HOGA1: variants seen among roughly 807,000 people sequenced by gnomAD.
HOGA1 encodes 4-hydroxy-2-oxoglutarate aldolase, mitochondrial.
Under a neutral mutation model 34.3 loss-of-function variants are expected in HOGA1, and 30 were observed. The observed-to-expected ratio is 0.87, with a 90% CI of 0.65 to 1.19. HOGA1 has a LOEUF of 1.19. Ranked by LOEUF, HOGA1 falls within the 50% of genes most tolerant of loss-of-function variation. The probability of loss-of-function intolerance (pLI) is 0.00; values close to 1 mark genes in which losing one functional copy is unlikely to be tolerated. For synonymous variants in HOGA1, 161 were observed against 174.0 expected (o/e 0.93, Z 0.59); for missense variants, 417 against 436.5 (o/e 0.96, Z 0.40).
chr10:97,595,109 A>G (rs1435686725), intron 1 of HOGA1, among the ~76,000 whole-genome samples: 1 of 151,878 alleles, frequency 6.6e-6, no homozygotes, highest in Non-Finnish European at 1.5e-5. Context: ...CCAAACGCCC[A>G]CTCCCCTCAC....
At chr10:97,598,359 A>T (rs940139535) in intron 1 of HOGA1, among the ~76,000 whole-genome samples, 1 of 152,266 alleles carries the variant, frequency 6.6e-6, no homozygotes, top group Non-Finnish European at 1.5e-5. Context: ...CTTACAACAG[A>T]ATACTATACA....
intron 3 of HOGA1, 28 bp from the exon 4 acceptor site, chr10:97,599,652 C>T (rs2041100417): frequency 1.9e-6 from 3 of 1,613,426 alleles, no homozygotes; most frequent in East Asian, 2.2e-5. Flanking sequence ...CTGCCCTCTC[C>T]TGCTTTTCTC....
At chr10:97,591,890 G>C (rs2041028165) in intron 1 of HOGA1, among the ~76,000 whole-genome samples, 1 of 148,508 alleles carries the variant, frequency 6.7e-6, no homozygotes. Flanking sequence ...CCAGGCTGGA[G>C]TACAGTGGCG....
chr10:97,591,009 C>A (rs924285391), intron 1 of HOGA1: 1 of 178,760 alleles, frequency 5.6e-6, no homozygotes, highest in African/African-American at 2.4e-5. Flanking sequence ...CTCCAGCAGT[C>A]CTCTGGAGTG....
rs78301180 is a variant in HOGA1 at position 97,605,788 on chromosome 10, T to C, written c.834+3798T>C. On this transcript the variant is annotated intron_variant, in intron 6 of 6. Transcript: ENST00000370646. ...CGCATTTTGAAATTGGATTGTTCTT[T>C]TGACTGTTGAATTTTAGTTCTTTAT... 2.2e-4 allele frequency among the ~76,000 whole-genome samples: 34 copies of C among 152,358 alleles called. No individual in the cohort carries two copies. The Middle Eastern group carries it at 0.017, about 76-fold the overall frequency.
chr10:97,586,534 C>T (rs1421037424), intron 1 of HOGA1, among the ~76,000 whole-genome samples: 2 of 152,148 alleles, frequency 1.3e-5, no homozygotes, highest in African/African-American at 4.8e-5. Context: ...GCTCGTGGGG[C>T]CTGGAGGTTT....
intron 1 of HOGA1, chr10:97,589,637 C>G (rs577404592): frequency 1.5e-5 from 7 of 453,694 alleles, no homozygotes; most frequent in African/African-American, 1.2e-4. Context: ...CCCACCCCAC[C>G]CGCAACTGCC....
chr10:97,590,056 C>T, intron 1 of HOGA1: 1 of 1,614,146 alleles, frequency 6.2e-7, no homozygotes, highest in Non-Finnish European at 8.5e-7. Flanking sequence ...ACAACAATGC[C>T]AGCGCTAGTG....
intron 1 of HOGA1, among the ~76,000 whole-genome samples, chr10:97,595,135 C>G (rs990173530): frequency 7.9e-5 from 12 of 152,198 alleles, no homozygotes; most frequent in African/African-American, 2.9e-4. Context: ...CCCCAGCTCC[C>G]AGAGCAGCAA....
rs2040951575 is a variant in HOGA1, at chr10:97,584,631, G to C, written c.-73G>C. ...TAACTAGAAACATTGATCATTAATAGGGGGTTAGAAAGAGTTCAAACTAAG... is the reference window on the plus strand; with the variant it reads ...TAACTAGAAACATTGATCATTAATACGGGGTTAGAAAGAGTTCAAACTAAG... On this transcript the variant is annotated 5_prime_UTR_variant, in exon 1 of 7. Transcript: ENST00000370646. 7.7e-7 allele frequency: 1 copy of C among 1,303,402 alleles called. No homozygotes were observed. The highest frequency in any genetic ancestry group is 1.5e-5 in the African/African-American group (1 of 68,072). 80.7% of individuals were successfully genotyped at this position (1,303,402 alleles called of 1,614,324 possible).
chr10:97,610,290 A>G (rs2041185403), intron 6 of HOGA1, among the ~76,000 whole-genome samples: 1 of 151,998 alleles, frequency 6.6e-6, no homozygotes, highest in Non-Finnish European at 1.5e-5. Context: ...CAACATAGCA[A>G]GACCTCGTCT....
Position 97,598,865 on chromosome 10 carries a change from C to T in HOGA1, c.302C>T (p.Pro101Leu). ...EVVSRVRQAMPKNRLLLAGSG... is the reference protein window; with the variant it reads ...EVVSRVRQAMLKNRLLLAGSG... ...GTGAGCCGTGTGCGCCAGGCCATGC[C>T]CAAGAACAGGCTCCTGCTAGCTGGC... Residue 101 changes from proline (P) to leucine (L), a missense_variant, in exon 2 of 7, where the codon CCC becomes CTC. Physicochemically the swap from Pro to Leu is moderately conservative, Grantham distance 98. Transcript: ENST00000370646. The T allele has an allele frequency of 6.2e-7, 1 of 1,614,144 alleles. No homozygotes were observed.
chr10:97,586,227 C>T (rs1242300346), intron 1 of HOGA1, among the ~76,000 whole-genome samples: 1 of 151,884 alleles, frequency 6.6e-6, no homozygotes, highest in Admixed American at 6.6e-5. Flanking sequence ...AGTGATAATG[C>T]TCATATTATG....
chr10:97,611,648 G>A lies in HOGA1; in HGVS notation c.973G>A (p.Gly325Ser), dbSNP rs777046879. 2.3e-5 allele frequency: 37 copies of A among 1,613,178 alleles called. No individual in the cohort carries two copies. Among genetic ancestry groups the A allele is most frequent in the Admixed American group, 5.0e-5 (3 of 59,964 alleles). The change falls in exon 7 of 7, where the codon GGC becomes AGC. Residue 325 changes from glycine (G) to serine (S), a missense_variant. By Grantham distance (56) the Gly-to-Ser change is moderately conservative (BLOSUM62 0). Transcript: ENST00000370646. ...EALRMDFTSN[G>S]WL is the part of the protein sequence containing the mutation. ...ACTGCGCATGGATTTCACCAGCAAC[G>A]GCTGGCTCTGAGGGCAGGCAGGGTC...
chr10:97,602,667 C>T (rs969640493), intron 6 of HOGA1: 7 of 715,486 alleles, frequency 9.8e-6, no homozygotes, highest in East Asian at 2.8e-4. Context: ...GTCTTTCTTT[C>T]TCTTTCTCTC....
chr10:97,606,954 C>A (rs2041162112), intron 6 of HOGA1, among the ~76,000 whole-genome samples: 1 of 152,024 alleles, frequency 6.6e-6, no homozygotes, highest in South Asian at 2.1e-4. Context: ...GCCAACAAGT[C>A]CTGTACATAT....
chr10:97,591,926 C>A (rs1480904318), intron 1 of HOGA1, among the ~76,000 whole-genome samples: 1 of 147,942 alleles, frequency 6.8e-6, no homozygotes, highest in Non-Finnish European at 1.5e-5. Flanking sequence ...GCAACCTCTG[C>A]CTCCCGGGTT....
At position 97,584,934 on chromosome 10, in the gene HOGA1, G is replaced by C. The variant is rs552420631; in HGVS notation, c.211+20G>C. 2.5e-6 allele frequency: 4 copies of C among 1,607,644 alleles called. No homozygotes were observed. The Admixed American group carries it at 6.7e-5, about 27-fold the overall frequency. Reference sequence around the variant, plus strand: ...TCCGAGGTAAGTGGGGCTGTCCTCTGTGGGACCTGGGGAGATGTGAGTGGC... The same window carrying C: ...TCCGAGGTAAGTGGGGCTGTCCTCTCTGGGACCTGGGGAGATGTGAGTGGC... On this transcript the variant is annotated intron_variant, in intron 1 of 6. Coordinates refer to ENST00000370646, the MANE Select transcript of HOGA1 (RefSeq NM_138413.4).
rs1589899135 is a variant in HOGA1, at chr10:97,584,721, C to T, written c.18C>T (p.Val6=). ...CTGCAGAGATGCTGGGTCCCCAAGT[C>T]TGGTCTTCTGTGAGGCAGGGGCTAA... MLGPQ[V]WSSVRQGLSR... is the part of the protein sequence containing the mutation. Residue 6 remains valine (V), a synonymous_variant, in exon 1 of 7, where the codon GTC becomes GTT. Coordinates refer to ENST00000370646, the MANE Select transcript of HOGA1 (RefSeq NM_138413.4). 1.9e-6 allele frequency: 3 copies of T among 1,611,072 alleles called. No homozygotes were observed. The highest frequency in any genetic ancestry group is 3.3e-4 in the Middle Eastern group (2 of 6,046).
Sources: gnomAD v4.1 joint callset for allele counts (sites outside exome capture counted in the v4.1 genomes callset) on GRCh38, gnomAD v4.1.1 for gene constraint, MANE v1.5 for transcripts, NCBI Gene and HGNC (gene_info 2026-07-23, HGNC 2026-07-21) for gene names.